ZNF578: variants seen among roughly 807,000 people sequenced by gnomAD.
The protein encoded by ZNF578 is zinc finger protein 578.
In ZNF578, 8 loss-of-function variants were observed where a neutral mutation model predicts 8.3. That is an observed-to-expected ratio of 0.96 (90% confidence interval 0.56 to 1.74). The LOEUF (loss-of-function observed/expected upper bound fraction) is 1.74. Among genes scored for constraint, ZNF578 ranks in the 40% most tolerant of loss-of-function variants. ZNF578 has a pLI of 0.00. For synonymous variants in ZNF578, 206 were observed against 232.2 expected, an observed-to-expected ratio of 0.89 and a Z score of 1.03; for missense variants, 726 against 707.5, an observed-to-expected ratio of 1.03 and a Z score of -0.30.
chr19:52,507,148 G>A (rs2059428240), intron 5 of ZNF578, among the ~76,000 whole-genome samples: 2 of 152,144 alleles, frequency 1.3e-5, no homozygotes, highest in African/African-American at 2.4e-5. Context: ...AATATTTTGG[G>A]AGGCCGAGAT....
Position 52,510,511 on chromosome 19 carries a change from A to T in ZNF578, c.191-61A>T, listed in dbSNP as rs569010603. The T allele has an allele frequency of 4.9e-6, 7 of 1,442,216 alleles. No homozygotes were observed. The East Asian group carries it at 1.2e-4, about 24-fold the overall frequency. The allele number at this position is 1,442,216 out of a possible 1,614,324, so 89.3% of individuals were successfully genotyped here. On this transcript the variant is annotated intron_variant, in intron 5 of 5. Coordinates refer to ENST00000421239, the MANE Select transcript of ZNF578 (RefSeq NM_001099694.2). The stretch of plus-strand genomic sequence containing the variant: ...ATTTTTTATTGTGTCATATTTACAC[A>T]CTTCAGTATGATTTACCATCTGCAC...
chr19:52,500,892 T>C (rs2059404670), intron 3 of ZNF578, among the ~76,000 whole-genome samples: 1 of 148,040 alleles, frequency 6.8e-6, no homozygotes, highest in Admixed American at 6.7e-5. Context: ...TTTTTTTTTT[T>C]TTTTGAGATA....
chr19:52,484,413 A>G (rs2059337716), intron 2 of ZNF578, among the ~76,000 whole-genome samples: 1 of 152,114 alleles, frequency 6.6e-6, no homozygotes. Flanking sequence ...GTGTCGGGCT[A>G]GGGGATGGTC....
intron 5 of ZNF578, among the ~76,000 whole-genome samples, chr19:52,506,160 A>T (rs897552437): frequency 1.3e-5 from 2 of 152,168 alleles, no homozygotes; most frequent in African/African-American, 2.4e-5. Context: ...TCGGATTCCA[A>T]ACTGCTGGGA....
At chr19:52,476,792 A>G (rs1356128207) in intron 2 of ZNF578, among the ~76,000 whole-genome samples, 2 of 152,182 alleles carry the variant, frequency 1.3e-5, no homozygotes, top group African/African-American at 4.8e-5. Context: ...CTGAGAGGCC[A>G]TGGTAGGGGC....
rs1410523569 is a variant in ZNF578, at chr19:52,514,852, A to G, written c.*2698A>G. ...TAGTTTTTGTATTTTTAGTAGAGAC[A>G]GGGTTTCACCATGTTTGTCAGGCTG... On this transcript the variant is annotated 3_prime_UTR_variant, in exon 6 of 6. Coordinates refer to ENST00000421239, the MANE Select transcript of ZNF578 (RefSeq NM_001099694.2). Among the ~76,000 whole-genome samples the G allele has an allele frequency of 2.0e-5, 3 of 151,880 alleles. No homozygotes were observed. The highest frequency in any genetic ancestry group is 4.4e-5 in the Non-Finnish European group (3 of 67,996).
In ZNF578 at chr19:52,510,808, G is replaced by T. The variant is rs1468669006; in HGVS notation, c.427G>T (p.Asp143Tyr). Residue 143 changes from aspartate to tyrosine, a missense_variant, in exon 6 of 6, where the codon GAT becomes TAT. Asp to Tyr is a radical substitution (Grantham distance 160). Coordinates refer to ENST00000421239, the MANE Select transcript of ZNF578 (RefSeq NM_001099694.2). The part of the protein sequence containing the change: ...KELMGSTDRH[D>Y]QRHAGNKPIK... ...GTTGATGGGTAGCACAGACCGACATGATCAAAGGCATGCTGGAAACAAGCC... is the reference window on the plus strand; with the variant it reads ...GTTGATGGGTAGCACAGACCGACATTATCAAAGGCATGCTGGAAACAAGCC... The T allele has an allele frequency of 6.2e-7, 1 of 1,614,040 alleles. No homozygotes were observed. The highest frequency in any genetic ancestry group is 1.3e-5 in the African/African-American group (1 of 74,932).
chr19:52,506,370 G>A (rs1237375165), intron 5 of ZNF578, among the ~76,000 whole-genome samples: 2 of 151,990 alleles, frequency 1.3e-5, no homozygotes, highest in African/African-American at 4.8e-5. Context: ...CAGCACTTTG[G>A]AAGGCTGAGG....
At position 52,472,488 on chromosome 19, in the gene ZNF578, C is replaced by T. The variant is rs187497340; in HGVS notation, c.-122+15530C>T. Among the ~76,000 whole-genome samples, 205 of 152,298 alleles carry T rather than the reference C, an allele frequency of 1.3e-3. 1 individual carries two copies. Among genetic ancestry groups the T allele is most frequent in the Non-Finnish European group, 2.1e-3 (145 of 68,012 alleles). On this transcript the variant is annotated intron_variant, in intron 2 of 5. Coordinates refer to ENST00000421239, the MANE Select transcript of ZNF578 (RefSeq NM_001099694.2). ...TCTCTCTTCCATTTCAAAAATAAGA[C>T]TATAGTTCATCAATTTTTGCTAAAC... is the stretch of plus-strand genomic sequence containing the variant.
chr19:52,492,993 GTC>G, intron 3 of ZNF578: 1 of 152,396 alleles, frequency 6.6e-6, no homozygotes, highest in African/African-American at 2.4e-5. Flanking sequence ...AAATTGAGAT[GTC>G]CCCGTAAGAG....
intron 3 of ZNF578, among the ~76,000 whole-genome samples, chr19:52,495,427 G>A (rs1422823465): frequency 6.8e-6 from 1 of 147,624 alleles, no homozygotes; most frequent in East Asian, 1.9e-4. Context: ...TTCAGCGTGG[G>A]CAATAAGAGC....
Position 52,481,296 on chromosome 19 carries a change from G to A in ZNF578, c.-121-10028G>A, listed in dbSNP as rs866932245. 4.6e-5 allele frequency among the ~76,000 whole-genome samples: 7 copies of A among 152,226 alleles called. No individual in the cohort carries two copies. In the East Asian group the frequency reaches 9.6e-4, roughly 21 times the overall value. On this transcript the variant is annotated intron_variant, in intron 2 of 5. Coordinates refer to ENST00000421239, the MANE Select transcript of ZNF578 (RefSeq NM_001099694.2). ...TCATGTCCTCCTATCCCTGTGTATG[G>A]GTGCCATGTTGCCGTGGACCCTGTT...
intron 4 of ZNF578, among the ~76,000 whole-genome samples, chr19:52,504,214 C>G (rs2059417492): frequency 6.6e-6 from 1 of 151,956 alleles, no homozygotes; most frequent in Admixed American, 6.6e-5. Context: ...CCTCAGCCTC[C>G]TGTGTAGCTG....
In ZNF578 at chr19:52,504,621, A is replaced by G. The variant is rs759151641; in HGVS notation, c.64-34A>G. ...TGTGAAGGTGATAACTCAATCCTCC[A>G]TAATGTTTTGTTGAAATGTGTGTTT... is the stretch of plus-strand genomic sequence containing the variant. On this transcript the variant is annotated intron_variant, in intron 4 of 5. Coordinates refer to ENST00000421239, the MANE Select transcript of ZNF578 (RefSeq NM_001099694.2). The G allele has an allele frequency of 3.1e-6, 5 of 1,613,440 alleles. No homozygotes were observed. The South Asian group carries it at 3.3e-5, about 11-fold the overall frequency.
intron 2 of ZNF578, among the ~76,000 whole-genome samples, chr19:52,467,083 T>C (rs2059277591): frequency 6.6e-6 from 1 of 151,730 alleles, no homozygotes; most frequent in South Asian, 2.1e-4. Flanking sequence ...CAGTTTTGGC[T>C]CACTGCAACC....
intron 2 of ZNF578, chr19:52,473,849 T>C (rs894334636): frequency 1.9e-5 from 6 of 315,800 alleles, no homozygotes; most frequent in Non-Finnish European, 3.0e-5. Flanking sequence ...TCTCCAACAT[T>C]GTGCTAGGTA....
At chr19:52,504,913 G>A in intron 5 of ZNF578, 132 bp downstream of exon 5, 2 of 1,194,144 alleles carry the variant, frequency 1.7e-6, no homozygotes, top group East Asian at 5.3e-5. Context: ...GGTTTGAGAT[G>A]GATCTTTGCT....
chr19:52,470,596 C>T (rs1160442643), intron 2 of ZNF578, among the ~76,000 whole-genome samples: 3 of 152,096 alleles, frequency 2.0e-5, no homozygotes, highest in Non-Finnish European at 4.4e-5. Flanking sequence ...GGCCCACCCT[C>T]AGTGTGGGTG....
chr19:52,464,848 A>AT (rs1390043760), intron 2 of ZNF578, among the ~76,000 whole-genome samples: 1 of 152,130 alleles, frequency 6.6e-6, no homozygotes, highest in Non-Finnish European at 1.5e-5. Flanking sequence ...GGTAAAGGAA[A>AT]TTTTTTCAAA....
Sources: gnomAD v4.1 joint callset for allele counts (sites outside exome capture counted in the v4.1 genomes callset) on GRCh38, gnomAD v4.1.1 for gene constraint, MANE v1.5 for transcripts, NCBI Gene and HGNC (gene_info 2026-07-23, HGNC 2026-07-21) for gene names.